Variants in CAMTA1 observed in about 807,000 individuals in gnomAD.
CAMTA1 encodes the protein calmodulin binding transcription activator 1.
Under a neutral mutation model 170.9 loss-of-function variants are expected in CAMTA1, and 27 were observed. The observed-to-expected ratio is 0.16, with a 90% CI of 0.12 to 0.22. The LOEUF (loss-of-function observed/expected upper bound fraction) is 0.22, where lower values mean the gene tolerates loss of function less well. CAMTA1 is among the 10% of genes least tolerant of loss of function. The probability of loss-of-function intolerance (pLI) is 1.00; values close to 1 mark genes in which losing one functional copy is unlikely to be tolerated. For missense variants in CAMTA1, 1,619 were observed against 2,217.2 expected, an observed-to-expected ratio of 0.73 and a Z score of 5.42; for synonymous variants, 833 against 891.5, an observed-to-expected ratio of 0.93 and a Z score of 1.17.
intron 4 of CAMTA1, among the ~76,000 whole-genome samples, chr1:7,232,526 T>C (rs1204255750): frequency 6.6e-6 from 1 of 152,206 alleles, no homozygotes; most frequent in Non-Finnish European, 1.5e-5. Flanking sequence ...GTTTTATTAG[T>C]TTATTTTTAT....
At chr1:6,816,747 C>T (rs1645869535) in intron 1 of CAMTA1, among the ~76,000 whole-genome samples, 1 of 152,192 alleles carries the variant, frequency 6.6e-6, no homozygotes, top group African/African-American at 2.4e-5. Context: ...TCTGCAGGTG[C>T]TTAAGGCCAG....
chr1:7,664,688 G>A lies in CAMTA1; in HGVS notation c.2141G>A (p.Ser714Asn). 6.2e-7 allele frequency: 1 copy of A among 1,607,944 alleles called. No homozygotes were observed. ...AAGTCTGGGGAGCTGCAGGCTTGCA[G>A]CTCTGAGCACTACCTGCAGCCGGAG... ...LLKSGELQAC[S>N]SEHYLQPETN... The change falls in exon 9 of 23, where the codon AGC becomes AAC. Residue 714 changes from serine to asparagine, a missense_variant. Ser to Asn is a conservative substitution (Grantham distance 46). Transcript: ENST00000303635.
chr1:7,709,577 C>T (rs2096553547), intron 11 of CAMTA1, among the ~76,000 whole-genome samples: 1 of 152,150 alleles, frequency 6.6e-6, no homozygotes. Flanking sequence ...CCTAAAAATC[C>T]TGGACACTGT....
At chr1:6,993,679 T>C (rs1164614590) in intron 3 of CAMTA1, among the ~76,000 whole-genome samples, 1 of 152,206 alleles carries the variant, frequency 6.6e-6, no homozygotes, top group Non-Finnish European at 1.5e-5. Flanking sequence ...ATTTCCAGCC[T>C]TCTGATGTTT....
At chr1:7,247,734 G>A (rs1666032469) in intron 4 of CAMTA1, among the ~76,000 whole-genome samples, 1 of 152,172 alleles carries the variant, frequency 6.6e-6, no homozygotes, top group Admixed American at 6.5e-5. Flanking sequence ...TCAGGGGCGG[G>A]GAGGGCTTAC....
intron 3 of CAMTA1, among the ~76,000 whole-genome samples, chr1:6,953,275 T>C (rs1482882804): frequency 6.6e-6 from 1 of 152,140 alleles, no homozygotes; most frequent in Non-Finnish European, 1.5e-5. Context: ...TGTCGAGAGC[T>C]CTCTCTTTTC....
intron 5 of CAMTA1, among the ~76,000 whole-genome samples, chr1:7,398,183 CTCTCTCTCTCTATATATA>C (rs1427652340): frequency 1.6e-3 from 72 of 45,218 alleles, no homozygotes; most frequent in African/African-American, 5.3e-3. Context: ...CTCTCTCTCT[CTCTCTCTCTCTATATATA>C]TATATATATA....
At chr1:7,122,107 C>A (rs548317636) in intron 4 of CAMTA1, among the ~76,000 whole-genome samples, 1 of 151,928 alleles carries the variant, frequency 6.6e-6, no homozygotes, top group Non-Finnish European at 1.5e-5. Context: ...TGTGAGTGTC[C>A]GAGGGGAAGC....
intron 6 of CAMTA1, among the ~76,000 whole-genome samples, chr1:7,502,929 T>C (rs2094032955): frequency 7.1e-6 from 1 of 141,542 alleles, no homozygotes; most frequent in Non-Finnish European, 1.6e-5. Flanking sequence ...CCGCACCCCA[T>C]GGCTCACCCT....
At chr1:7,660,676 C>T (rs569214435) in intron 7 of CAMTA1, among the ~76,000 whole-genome samples, 106 of 152,204 alleles carry the variant, frequency 7.0e-4, no homozygotes, top group Non-Finnish European at 1.4e-3. Context: ...CGAGGGTTAG[C>T]GGCTGTCCCC....
intron 4 of CAMTA1, among the ~76,000 whole-genome samples, chr1:7,139,157 A>G (rs1480096851): frequency 7.2e-6 from 1 of 139,468 alleles, no homozygotes; most frequent in Admixed American, 7.5e-5. Flanking sequence ...ATATAAATAT[A>G]AATATATATA....
At chr1:7,052,016 C>A (rs1706459084) in intron 3 of CAMTA1, among the ~76,000 whole-genome samples, 1 of 148,020 alleles carries the variant, frequency 6.8e-6, no homozygotes, top group Non-Finnish European at 1.5e-5. Context: ...TGCCCTTCAG[C>A]CCTTTCAAGT....
rs528613819 is a variant in CAMTA1 at position 7,350,037 on chromosome 1, G to A, written c.438+100411G>A. 3.3e-5 allele frequency among the ~76,000 whole-genome samples: 5 copies of A among 152,266 alleles called. No individual in the cohort carries two copies. In the East Asian group the frequency reaches 7.8e-4, roughly 24 times the overall value. On this transcript the variant is annotated intron_variant, in intron 5 of 22. Coordinates refer to ENST00000303635, the MANE Select transcript of CAMTA1 (RefSeq NM_015215.4). The stretch of plus-strand genomic sequence containing the variant: ...GTATCTTTGTCTAAAGGTGCCCTGT[G>A]TGGGCAACTTTACAAGTATCTCACC...
rs973895498 is a variant in CAMTA1, at chr1:7,493,650, G to T, written c.510+25749G>T. On this transcript the variant is annotated intron_variant, in intron 6 of 22. Coordinates refer to ENST00000303635, the MANE Select transcript of CAMTA1 (RefSeq NM_015215.4). ...ATCCATCCCCCAGGGAACTGGGGGGGGGGGGGGGTCAGCGGAAGAGTTTGT... is the reference window on the plus strand; with the variant it reads ...ATCCATCCCCCAGGGAACTGGGGGGTGGGGGGGGTCAGCGGAAGAGTTTGT... 5.1e-3 allele frequency among the ~76,000 whole-genome samples: 114 copies of T among 22,332 alleles called. No homozygotes were observed. The South Asian group carries it at 0.087, about 17-fold the overall frequency. The allele number at this position is 22,332 out of a possible 152,430, so 14.7% of individuals were successfully genotyped here.
rs1203359866 is a variant in CAMTA1, at chr1:7,067,547, C to A, written c.235-23757C>A. 6.6e-6 allele frequency among the ~76,000 whole-genome samples: 1 copy of A among 152,192 alleles called. No individual in the cohort carries two copies. The highest frequency in any genetic ancestry group is 2.4e-5 in the African/African-American group (1 of 41,438). ...TCAACAAATATTTGAGTATCTGCTG[C>A]ATGCTGGGAACCATGTTCCTTGCAA... On this transcript the variant is annotated intron_variant, in intron 3 of 22. Transcript: ENST00000303635. The surrounding 1 kb of genome is among the most constrained non-coding windows in gnomAD (Gnocchi z 4.3).
At chr1:7,023,897 A>G (rs12041085) in intron 3 of CAMTA1, among the ~76,000 whole-genome samples, 39,117 of 151,444 alleles carry the variant, frequency 0.26, 5,197 homozygotes, top group Middle Eastern at 0.35. Context: ...GCATGGTGGC[A>G]GGCGCCTGTA....
At chr1:7,241,533 TC>T (rs1664854687) in intron 4 of CAMTA1, among the ~76,000 whole-genome samples, 1 of 152,192 alleles carries the variant, frequency 6.6e-6, no homozygotes, top group South Asian at 2.1e-4. Context: ...GGACTTATAG[TC>T]CCGGATTTCA....
chr1:6,819,314 A>T (rs56269202), intron 1 of CAMTA1, among the ~76,000 whole-genome samples: 51,784 of 151,236 alleles, frequency 0.34, 8,940 homozygotes, highest in Admixed American at 0.42. Context: ...CTTTTTTTTT[A>T]AAAAGTTACC....
In CAMTA1 at chr1:7,732,627, C is replaced by T; in HGVS notation, c.3066+28C>T. On this transcript the variant is annotated intron_variant, in intron 12 of 22. Coordinates refer to ENST00000303635, the MANE Select transcript of CAMTA1 (RefSeq NM_015215.4). The surrounding 1 kb of genome is among the most constrained non-coding windows in gnomAD (Gnocchi z 4.1). ...ACGAGGCGGTGCTGATGCTCAGCTC[C>T]CATTTCGCTTCATGTTTATGGATTG... 6.5e-7 allele frequency: 1 copy of T among 1,549,548 alleles called. No homozygotes were observed. Among genetic ancestry groups the T allele is most frequent in the Non-Finnish European group, 8.7e-7 (1 of 1,146,964 alleles).
Sources: gnomAD v4.1 joint callset for allele counts (sites outside exome capture counted in the v4.1 genomes callset) on GRCh38, gnomAD v4.1.1 for gene constraint, Gnocchi (gnomAD v3.1) non-coding constraint, MANE v1.5 for transcripts, NCBI Gene and HGNC (gene_info 2026-07-23, HGNC 2026-07-21) for gene names.